ATF3: variants seen among roughly 807,000 people sequenced by gnomAD.
ATF3 encodes the protein activating transcription factor 3, also known as cyclic AMP-dependent transcription factor ATF-3.
ATF3 carries 10 observed loss-of-function variants against 18.4 expected under a neutral mutation model. The observed-to-expected ratio is 0.54, with a 90% CI of 0.34 to 0.92. ATF3 has a LOEUF of 0.92. Ranked by LOEUF, ATF3 falls within the 40% of genes least tolerant of loss-of-function variation. The pLI, the probability that ATF3 is intolerant of heterozygous loss-of-function variation, is 0.02. For missense variants in ATF3, 183 were observed against 222.3 expected (o/e 0.82, Z 1.12); for synonymous variants, 78 against 87.9 (o/e 0.89, Z 0.63).
intron 1 of ATF3, among the ~76,000 whole-genome samples, chr1:212,569,610 T>C (rs1664444571): frequency 6.6e-6 from 1 of 152,064 alleles, no homozygotes; most frequent in Admixed American, 6.6e-5. Flanking sequence ...TTTGGCTTTT[T>C]TTTTTCACTC....
chr1:212,595,732 C>G (rs1197802276), intron 1 of ATF3, among the ~76,000 whole-genome samples: 1 of 152,168 alleles, frequency 6.6e-6, no homozygotes, highest in Non-Finnish European at 1.5e-5. Flanking sequence ...TAACAAGTTT[C>G]ACATTGGCTT....
intron 1 of ATF3, among the ~76,000 whole-genome samples, chr1:212,581,052 C>T (rs1182330321): frequency 3.9e-5 from 6 of 152,210 alleles, no homozygotes; most frequent in Admixed American, 1.3e-4. Context: ...GACAGGCGTG[C>T]GCCACTGCAC....
chr1:212,595,938 G>A (rs1156928618), intron 1 of ATF3, among the ~76,000 whole-genome samples: 2 of 152,198 alleles, frequency 1.3e-5, no homozygotes, highest in Non-Finnish European at 2.9e-5. Flanking sequence ...AAATGGAAAG[G>A]TTTGGGTGGC....
rs1326716073 is a variant in ATF3, at chr1:212,620,517, G to A, written c.*962G>A. 6.6e-6 allele frequency: 1 copy of A among 152,612 alleles called. No individual in the cohort carries two copies. The highest frequency in any genetic ancestry group is 1.9e-4 in the East Asian group (1 of 5,196). 9.5% of individuals were successfully genotyped at this position (152,612 alleles called of 1,614,324 possible). A position where few individuals can be genotyped will look rare whatever the true frequency, so the allele number is the denominator to read the frequency against. Reference sequence around the variant, plus strand: ...TACCCAGGCTTTAGCATTATTGGATGTCAATAGCATTGTTTTTGTCATGTA... The same window carrying A: ...TACCCAGGCTTTAGCATTATTGGATATCAATAGCATTGTTTTTGTCATGTA... On this transcript the variant is annotated 3_prime_UTR_variant, in exon 4 of 4. Transcript: ENST00000341491.
At chr1:212,587,564 C>A (rs1040067289) in intron 1 of ATF3, among the ~76,000 whole-genome samples, 2 of 152,116 alleles carry the variant, frequency 1.3e-5, no homozygotes, top group African/African-American at 4.8e-5. Context: ...GGTCAAGGAA[C>A]AAAGTTTTGC....
At chr1:212,592,341 A>G (rs1442281731) in intron 1 of ATF3, among the ~76,000 whole-genome samples, 1 of 152,098 alleles carries the variant, frequency 6.6e-6, no homozygotes, top group Non-Finnish European at 1.5e-5. Flanking sequence ...TTTTAAGATA[A>G]TAATCACAAC....
chr1:212,597,864 A>G (rs1246033568), intron 1 of ATF3, among the ~76,000 whole-genome samples: 1 of 152,202 alleles, frequency 6.6e-6, no homozygotes, highest in Non-Finnish European at 1.5e-5. Context: ...TCATCATTCC[A>G]TCTCCTACCT....
At chr1:212,587,408 T>G (rs982114408) in intron 1 of ATF3, among the ~76,000 whole-genome samples, 31 of 152,228 alleles carry the variant, frequency 2.0e-4, no homozygotes, top group African/African-American at 7.2e-4. Flanking sequence ...TCCAAACAAC[T>G]GACTTGTGAG....
At chr1:212,588,493 G>A (rs1243435989) in intron 1 of ATF3, among the ~76,000 whole-genome samples, 2 of 152,032 alleles carry the variant, frequency 1.3e-5, no homozygotes, top group Admixed American at 6.6e-5. Flanking sequence ...TCAGATTGGG[G>A]CAGCAGTAAT....
intron 1 of ATF3, among the ~76,000 whole-genome samples, chr1:212,594,525 C>T (rs751887628): frequency 2.0e-5 from 3 of 152,146 alleles, no homozygotes; most frequent in Non-Finnish European, 4.4e-5. Context: ...CACTCTACCT[C>T]TTAAACATTT....
intron 1 of ATF3, among the ~76,000 whole-genome samples, chr1:212,572,923 A>T (rs112341961): frequency 0.015 from 2,350 of 152,306 alleles, 55 homozygotes; most frequent in African/African-American, 0.052. Context: ...TTTTATACAG[A>T]CAATTTGTAT....
At chr1:212,586,855 G>A (rs1247109169) in intron 1 of ATF3, among the ~76,000 whole-genome samples, 2 of 152,202 alleles carry the variant, frequency 1.3e-5, no homozygotes, top group Admixed American at 1.3e-4. Context: ...GAATCCCAAA[G>A]GTAATTGATG....
In ATF3 at chr1:212,619,483, G is replaced by T; in HGVS notation, c.474G>T (p.Gln158His). 1 of 1,614,202 alleles carries T rather than the reference G, an allele frequency of 6.2e-7. No homozygotes were observed. The highest frequency in any genetic ancestry group is 8.5e-7 in the Non-Finnish European group (1 of 1,180,038). Reference sequence around the variant, plus strand: ...GGCCCACGTGTATTGTCCGGGCTCAGAATGGGAGGACTCCAGAAGATGAGA... The same window carrying T: ...GGCCCACGTGTATTGTCCGGGCTCATAATGGGAGGACTCCAGAAGATGAGA... ...LHRPTCIVRA[Q>H]NGRTPEDERN... is the part of the protein sequence containing the mutation. The change falls in exon 4 of 4, where the codon CAG becomes CAT. Residue 158 changes from glutamine to histidine, a missense_variant. Coordinates refer to ENST00000341491, the MANE Select transcript of ATF3 (RefSeq NM_001674.4). The surrounding 1 kb of genome is among the most constrained non-coding windows in gnomAD (Gnocchi z 4.4).
intron 1 of ATF3, among the ~76,000 whole-genome samples, chr1:212,575,453 T>G (rs755582380): frequency 1.2e-4 from 18 of 152,296 alleles, no homozygotes; most frequent in Non-Finnish European, 1.8e-4. Flanking sequence ...TTGACTTCTT[T>G]ATGTAGACAA....
upstream of ATF3, chr1:212,608,656 AAGCTATTAAT>A (rs1654727008): frequency 6.6e-6 from 1 of 152,264 alleles, no homozygotes; most frequent in African/African-American, 2.4e-5. Context: ...TTCTCCCGGG[AAGCTATTAAT>A]AGCATTACGT....
At chr1:212,590,247 CT>C (rs61625338) in intron 1 of ATF3, among the ~76,000 whole-genome samples, 356 of 139,532 alleles carry the variant, frequency 2.6e-3, no homozygotes, top group Admixed American at 2.7e-3. Context: ...TAAGTTTAAG[CT>C]TTTTTTTTTT....
At chr1:212,589,759 A>T (rs887189213) in intron 1 of ATF3, among the ~76,000 whole-genome samples, 2 of 151,744 alleles carry the variant, frequency 1.3e-5, no homozygotes, top group African/African-American at 4.8e-5. Flanking sequence ...TTAAAAAGTC[A>T]CATAAGCTAA....
At chr1:212,617,325 T>C (rs775646810) in intron 2 of ATF3, among the ~76,000 whole-genome samples, 2 of 152,190 alleles carry the variant, frequency 1.3e-5, no homozygotes, top group African/African-American at 2.4e-5. Context: ...ATAATAAACA[T>C]GGTGAGAAGT....
At chr1:212,566,123 A>AG (rs1664377869) in intron 1 of ATF3, among the ~76,000 whole-genome samples, 2 of 152,204 alleles carry the variant, frequency 1.3e-5, no homozygotes, top group South Asian at 4.1e-4. Context: ...AAAGCCCTGG[A>AG]GTGAGGGTCA....
Sources: allele counts gnomAD v4.1 joint callset (sites outside exome capture counted in the v4.1 genomes callset), GRCh38; gene constraint gnomAD v4.1.1; non-coding constraint Gnocchi (gnomAD v3.1); transcripts MANE v1.5; gene names NCBI Gene and HGNC (gene_info 2026-07-23, HGNC 2026-07-21).